Variants in PANK4 observed in about 807,000 individuals in gnomAD.
PANK4 encodes pantothenate kinase 4 (inactive).
A neutral mutation model predicts 87.9 loss-of-function variants in PANK4; 40 were observed. The observed-to-expected ratio is 0.46, with a 90% CI of 0.35 to 0.59. PANK4 has a LOEUF of 0.59. PANK4 is among the 20% of genes least tolerant of loss of function. The pLI is 0.00. For missense variants in PANK4, 926 were observed against 1,072.3 expected (o/e 0.86, Z 1.90); for synonymous variants, 524 against 467.4 (o/e 1.12, Z -1.56).
chr1:2,510,031 C>T lies in PANK4; in HGVS notation c.2039+26G>A. 1 of 1,588,884 alleles carries T rather than the reference C, an allele frequency of 6.3e-7. No individual in the cohort carries two copies. Among genetic ancestry groups the T allele is most frequent in the Non-Finnish European group, 8.6e-7 (1 of 1,163,052 alleles). On this transcript the variant is annotated intron_variant, in intron 17 of 18. Coordinates refer to ENST00000378466, the MANE Select transcript of PANK4 (RefSeq NM_018216.4). The surrounding 1 kb of genome is among the most constrained non-coding windows in gnomAD (Gnocchi z 4.9). ...CTGGTGCCCCTCCCCATCAAGGCCC[C>T]CCCAGCACTGCCCGCCAACACTCAC...
Position 2,514,041 on chromosome 1 carries a change from G to C in PANK4, c.1536C>G (p.His512Gln). ...TVRSLLDTREHCLNEFNFPDP... is the reference protein window; with the variant it reads ...TVRSLLDTREQCLNEFNFPDP... ...CCGGGAAGTTGAACTCGTTCAGACA[G>C]TGCTCCCTGGTGTCCAGCAGGCTGC... Residue 512 changes from histidine to glutamine, a missense_variant, in exon 12 of 19, where the codon CAC becomes CAG. Coordinates refer to ENST00000378466, the MANE Select transcript of PANK4 (RefSeq NM_018216.4). 6.2e-7 allele frequency: 1 copy of C among 1,612,896 alleles called. No homozygotes were observed. Among genetic ancestry groups the C allele is most frequent in the Non-Finnish European group, 8.5e-7 (1 of 1,179,904 alleles).
At chr1:2,517,283 T>G (rs762392667) in intron 9 of PANK4, among the ~76,000 whole-genome samples, 8 of 152,188 alleles carry the variant, frequency 5.3e-5, no homozygotes, top group Non-Finnish European at 1.2e-4. Flanking sequence ...TGGTGTGAAC[T>G]GCAGGACCCA....
At chr1:2,522,817 G>GT in intron 1 of PANK4, among the ~76,000 whole-genome samples, 102 of 3,772 alleles carry the variant, frequency 0.027, no homozygotes, top group Middle Eastern at 0.12. Flanking sequence ...GAGGGCACTG[G>GT]ATGGTGCTAT....
In PANK4 at chr1:2,519,968, C is replaced by A; in HGVS notation, c.700-14G>T. ...CTCGTCAAACTTCTGCAGGACACGG[C>A]GAGGGGGCGGGTGAGGCGCCAGGAG... On this transcript the variant is annotated splice_polypyrimidine_tract_variant and intron_variant, in intron 5 of 18. Coordinates refer to ENST00000378466, the MANE Select transcript of PANK4 (RefSeq NM_018216.4). This position sits in a 1 kb window ranked among gnomAD's most constrained non-coding sequence, Gnocchi z 8.3. 2 of 1,539,052 alleles carry A rather than the reference C, an allele frequency of 1.3e-6. No homozygotes were observed. Among genetic ancestry groups the A allele is most frequent in the Non-Finnish European group, 8.8e-7 (1 of 1,137,672 alleles).
rs1643631839 is a variant in PANK4 at position 2,509,936 on chromosome 1, A to C, written c.2040-6T>G. On this transcript the variant is annotated splice_polypyrimidine_tract_variant and splice_region_variant and intron_variant, in intron 17 of 18. Transcript: ENST00000378466. The surrounding 1 kb of genome is among the most constrained non-coding windows in gnomAD (Gnocchi z 4.9). ...TCTCTTCCTGGAGCGCAGAGCTGCC[A>C]GATACAAGGTGGTCAGTGCCCCCAG... 1.9e-6 allele frequency: 3 copies of C among 1,611,048 alleles called. No homozygotes were observed. In the African/African-American group the frequency reaches 4.0e-5, roughly 22 times the overall value.
At chr1:2,518,088 C>CGCCT in intron 9 of PANK4, 76 bp downstream of exon 9, 1 of 857,482 alleles carries the variant, frequency 1.2e-6, no homozygotes, top group Non-Finnish European at 1.8e-6. Flanking sequence ...CAAGAGGCTT[C>CGCCT]GCTCAGGGAC....
In PANK4 at chr1:2,510,151, G is replaced by C. The variant is rs1291111734; in HGVS notation, c.1945C>G (p.Leu649Val). 6.3e-7 allele frequency: 1 copy of C among 1,598,922 alleles called. No individual in the cohort carries two copies. Among genetic ancestry groups the C allele is most frequent in the South Asian group, 1.1e-5 (1 of 89,330 alleles). Residue 649 changes from leucine to valine, a missense_variant, in exon 17 of 19, where the codon CTG (leucine) becomes GTG (valine). Physicochemically the swap from Leu to Val is conservative, Grantham distance 32 (BLOSUM62 1). Transcript: ENST00000378466. The surrounding 1 kb of genome is among the most constrained non-coding windows in gnomAD (Gnocchi z 4.9). Reference protein sequence around the residue: ...ELLLRGTEVILACNSGPALND... With the variant: ...ELLLRGTEVIVACNSGPALND... ...AGGGCGGGGCCTGAGTTGCACGCCAGGATGACCTGCAGGAGGAGGGCCCAG... is the reference window on the plus strand; with the variant it reads ...AGGGCGGGGCCTGAGTTGCACGCCACGATGACCTGCAGGAGGAGGGCCCAG...
chr1:2,515,925 C>T lies in PANK4; in HGVS notation c.1219-208G>A, dbSNP rs757721515. 2 of 604,722 alleles carry T rather than the reference C, an allele frequency of 3.3e-6. No homozygotes were observed. Among genetic ancestry groups the T allele is most frequent in the Non-Finnish European group, 5.9e-6 (2 of 341,846 alleles). 37.5% of individuals were successfully genotyped at this position (604,722 alleles called of 1,614,324 possible). A position where few individuals can be genotyped will look rare whatever the true frequency, so the allele number is the denominator to read the frequency against. ...CCTTGACTTACCCCCTGGTTTGACA[C>T]TGGGGTTGCGTCTGCTCCCACCACA... On this transcript the variant is annotated intron_variant, in intron 9 of 18. Transcript: ENST00000378466. This position sits in a 1 kb window ranked among gnomAD's most constrained non-coding sequence, Gnocchi z 5.0.
intron 1 of PANK4, among the ~76,000 whole-genome samples, chr1:2,522,713 G>A (rs1240262890): frequency 2.0e-5 from 3 of 152,288 alleles, no homozygotes; most frequent in African/African-American, 2.4e-5. Context: ...CTTAACAGAG[G>A]GCACTGTGTG....
rs547687988 is a variant in PANK4 at position 2,510,119 on chromosome 1, G to A, written c.1977C>T (p.Asp659=). The A allele has an allele frequency of 6.0e-5, 96 of 1,610,206 alleles. No individual in the cohort carries two copies. The South Asian group carries it at 9.1e-4, about 15-fold the overall frequency. The change falls in exon 17 of 19, where the codon GAC becomes GAT. Residue 659 remains aspartate (D), a synonymous_variant. Coordinates refer to ENST00000378466, the MANE Select transcript of PANK4 (RefSeq NM_018216.4). This position sits in a 1 kb window ranked among gnomAD's most constrained non-coding sequence, Gnocchi z 4.9. The part of the protein sequence containing the change: ...LACNSGPALN[D]VTHSESLIVA... The stretch of plus-strand genomic sequence containing the variant: ...CGATGAGGGACTCGCTGTGGGTCAC[G>A]TCGTTCAGGGCGGGGCCTGAGTTGC...
chr1:2,526,583 G>A lies in PANK4; in HGVS notation c.5C>T (p.Ala2Val). Reference sequence around the variant, plus strand: ...CCCGCTGCCGCTCGCTCCACACTCCGCCATTTTGAAAGTGCCCGGCCAGCT... The same window carrying A: ...CCCGCTGCCGCTCGCTCCACACTCCACCATTTTGAAAGTGCCCGGCCAGCT... M[A>V]ECGASGSGSS... Residue 2 changes from alanine to valine, a missense_variant, in exon 1 of 19, where the codon GCG becomes GTG. Transcript: ENST00000378466. 6.3e-7 allele frequency: 1 copy of A among 1,599,574 alleles called. No individual in the cohort carries two copies. Among genetic ancestry groups the A allele is most frequent in the Non-Finnish European group, 8.5e-7 (1 of 1,173,750 alleles).
intron 12 of PANK4, among the ~76,000 whole-genome samples, chr1:2,513,611 G>A (rs1643703814): frequency 6.6e-6 from 1 of 152,214 alleles, no homozygotes; most frequent in Non-Finnish European, 1.5e-5. Context: ...GGGTGGTCCA[G>A]GGTTCCAGCC....
rs1643854937 is a variant in PANK4 at position 2,519,728 on chromosome 1, G to T, written c.853+73C>A. 6.4e-6 allele frequency: 9 copies of T among 1,415,728 alleles called. No individual in the cohort carries two copies. The highest frequency in any genetic ancestry group is 8.5e-6 in the Non-Finnish European group (9 of 1,060,178). 87.7% of individuals were successfully genotyped at this position (1,415,728 alleles called of 1,614,324 possible). A position where few individuals can be genotyped will look rare whatever the true frequency, so the allele number is the denominator to read the frequency against. On this transcript the variant is annotated intron_variant, in intron 6 of 18. Transcript: ENST00000378466. This position sits in a 1 kb window ranked among gnomAD's most constrained non-coding sequence, Gnocchi z 8.3. The stretch of plus-strand genomic sequence containing the variant: ...GCAGTTGTGGGAAAGCAATGGTGGG[G>T]GAAGCTCCTGTCCGTGAGACCCCAA...
chr1:2,511,733 C>T (rs1345549053), intron 13 of PANK4, 50 bp from the exon 14 acceptor site: 2 of 1,133,074 alleles, frequency 1.8e-6, no homozygotes, highest in East Asian at 4.7e-5. Context: ...CAAAAACCTT[C>T]AGCCACAGTG....
chr1:2,510,998 G>A lies in PANK4; in HGVS notation c.1834-216C>T, dbSNP rs577964596. 7.9e-5 allele frequency among the ~76,000 whole-genome samples: 12 copies of A among 152,168 alleles called. No homozygotes were observed. In the South Asian group the frequency reaches 1.0e-3, roughly 13 times the overall value. On this transcript the variant is annotated intron_variant, in intron 15 of 18. Transcript: ENST00000378466. The surrounding 1 kb of genome is among the most constrained non-coding windows in gnomAD (Gnocchi z 4.9). ...GGGCTGGGCTGCAGGGGCTGAGACC[G>A]GGACTTCAGGACCCCAGAGGCACCG...
At chr1:2,512,688 G>C in intron 13 of PANK4, 200 bp downstream of exon 13, 1 of 589,062 alleles carries the variant, frequency 1.7e-6, no homozygotes, top group Non-Finnish European at 3.0e-6. Flanking sequence ...GAACCTGAGG[G>C]GACAGACAAG....
In PANK4 at chr1:2,513,302, C is replaced by T. The variant is rs553453208; in HGVS notation, c.1576-263G>A. 2.6e-5 allele frequency among the ~76,000 whole-genome samples: 4 copies of T among 152,344 alleles called. No homozygotes were observed. The East Asian group carries it at 5.8e-4, about 22-fold the overall frequency. On this transcript the variant is annotated intron_variant, in intron 12 of 18. Coordinates refer to ENST00000378466, the MANE Select transcript of PANK4 (RefSeq NM_018216.4). Reference sequence around the variant, plus strand: ...AAGGGCAGGACAAGAGTGGAGGACACGGCCCCCACAGGTACCCACAGCCCT... The same window carrying T: ...AAGGGCAGGACAAGAGTGGAGGACATGGCCCCCACAGGTACCCACAGCCCT...
At chr1:2,523,242 T>C (rs1017120166) in intron 1 of PANK4, among the ~76,000 whole-genome samples, 6 of 152,154 alleles carry the variant, frequency 3.9e-5, no homozygotes, top group African/African-American at 1.4e-4. Context: ...ACCTCCTGCC[T>C]GGTGGTGAGG....
Position 2,520,728 on chromosome 1 carries a change from C to T in PANK4, c.601G>A (p.Val201Met), listed in dbSNP as rs751678797. 27 of 1,612,174 alleles carry T rather than the reference C, an allele frequency of 1.7e-5. No individual in the cohort carries two copies. The highest frequency in any genetic ancestry group is 2.1e-5 in the Non-Finnish European group (25 of 1,179,298). Residue 201 changes from valine to methionine, a missense_variant, in exon 4 of 19, where the codon GTG (valine) becomes ATG (methionine). Transcript: ENST00000378466. This position sits in a 1 kb window ranked among gnomAD's most constrained non-coding sequence, Gnocchi z 6.2. ...TTCATGAAGCCGGGTCTTACCTTCA[C>T]GATGGAGACTCCAGAGCCGATATTG... is the stretch of plus-strand genomic sequence containing the variant. Reference protein sequence around the residue: ...LVNIGSGVSIVKVETEDRFEW... With the variant: ...LVNIGSGVSIMKVETEDRFEW...
Sources: allele counts gnomAD v4.1 joint callset (sites outside exome capture counted in the v4.1 genomes callset), GRCh38; gene constraint gnomAD v4.1.1; non-coding constraint Gnocchi (gnomAD v3.1); transcripts MANE v1.5; gene names NCBI Gene and HGNC (gene_info 2026-07-23, HGNC 2026-07-21).